GTF2E2: variants seen among roughly 807,000 people sequenced by gnomAD.
GTF2E2 encodes general transcription factor IIE subunit 2.
In GTF2E2, 21 loss-of-function variants were observed where a neutral mutation model predicts 40.5. The observed-to-expected ratio is 0.52, with a 90% CI of 0.37 to 0.75. The LOEUF (loss-of-function observed/expected upper bound fraction) is 0.75. Among genes scored for constraint, GTF2E2 ranks in the 30% least tolerant of loss-of-function variants. GTF2E2 has a pLI of 0.00. For synonymous variants in GTF2E2, 117 were observed against 121.6 expected, an observed-to-expected ratio of 0.96 and a Z score of 0.25; for missense variants, 298 against 338.4, an observed-to-expected ratio of 0.88 and a Z score of 0.94.
At chr8:30,630,126 C>T (rs188997958) in intron 3 of GTF2E2, among the ~76,000 whole-genome samples, 3 of 152,236 alleles carry the variant, frequency 2.0e-5, no homozygotes, top group Admixed American at 6.5e-5. Flanking sequence ...CCATAAAGTT[C>T]CTCTTTCATC....
intron 3 of GTF2E2, among the ~76,000 whole-genome samples, chr8:30,633,306 T>C (rs1391125040): frequency 6.6e-6 from 1 of 152,100 alleles, no homozygotes; most frequent in Non-Finnish European, 1.5e-5. Context: ...GACACAAATA[T>C]TCAAAGAAAA....
At chr8:30,655,028 T>G (rs1381693411) in intron 1 of GTF2E2, among the ~76,000 whole-genome samples, 1 of 152,010 alleles carries the variant, frequency 6.6e-6, no homozygotes, top group Non-Finnish European at 1.5e-5. Flanking sequence ...CTGGGCAACA[T>G]AGTGAAACCC....
At chr8:30,639,506 C>T (rs989014965) in intron 2 of GTF2E2, among the ~76,000 whole-genome samples, 3 of 151,758 alleles carry the variant, frequency 2.0e-5, no homozygotes, top group African/African-American at 7.3e-5. Flanking sequence ...AAAAATATGT[C>T]CTAAGAAGAA....
At chr8:30,620,130 C>T (rs1470803246) in intron 3 of GTF2E2, among the ~76,000 whole-genome samples, 6 of 151,936 alleles carry the variant, frequency 3.9e-5, no homozygotes, top group African/African-American at 1.5e-4. Context: ...GCAAGTCTGC[C>T]TTTTGAACCT....
intron 1 of GTF2E2, among the ~76,000 whole-genome samples, chr8:30,656,136 C>G (rs537241945): frequency 1.3e-5 from 2 of 152,230 alleles, no homozygotes; most frequent in East Asian, 3.9e-4. Flanking sequence ...CCTAAAGCCA[C>G]CTGGCTAGGC....
intron 6 of GTF2E2, among the ~76,000 whole-genome samples, chr8:30,599,013 T>TA (rs892908343): frequency 1.3e-5 from 2 of 152,120 alleles, no homozygotes; most frequent in African/African-American, 4.8e-5. Context: ...ATTAATAAAA[T>TA]AAAAAACAAG....
intron 3 of GTF2E2, among the ~76,000 whole-genome samples, chr8:30,629,685 T>C (rs1212588815): frequency 1.6e-5 from 1 of 63,952 alleles, no homozygotes; most frequent in Non-Finnish European, 2.6e-5. Flanking sequence ...CAAGATTCCA[T>C]CTCAAAAAAA....
intron 2 of GTF2E2, among the ~76,000 whole-genome samples, chr8:30,638,424 G>A (rs182254574): frequency 6.6e-6 from 1 of 152,194 alleles, no homozygotes; most frequent in Admixed American, 6.5e-5. Flanking sequence ...AAAAATAAAG[G>A]AGAAGGGATG....
rs542751789 is a variant in GTF2E2 at position 30,618,305 on chromosome 8, G to A, written c.259-3590C>T. ...GTCTCGGGGGGCGGGGGGGAGTTAC[G>A]CTTTACTAATAGTGAATATGTGGAC... On this transcript the variant is annotated intron_variant, in intron 3 of 7. Transcript: ENST00000355904. Among the ~76,000 whole-genome samples, 241 of 150,998 alleles carry A rather than the reference G, an allele frequency of 1.6e-3. 1 individual carries two copies. Among genetic ancestry groups the A allele is most frequent in the African/African-American group, 5.6e-3 (228 of 41,076 alleles).
intron 6 of GTF2E2, chr8:30,596,818 A>C (rs1435353310): frequency 6.6e-6 from 1 of 152,234 alleles, no homozygotes; most frequent in Non-Finnish European, 1.5e-5. Context: ...GGTTGAGTCA[A>C]TCTATTGTCA....
intron 2 of GTF2E2, among the ~76,000 whole-genome samples, chr8:30,651,667 T>C (rs1802282005): frequency 6.6e-6 from 1 of 152,246 alleles, no homozygotes; most frequent in Non-Finnish European, 1.5e-5. Context: ...TTCCCCAAAT[T>C]GATTTATAGA....
intron 2 of GTF2E2, chr8:30,645,779 T>C (rs1394553308): frequency 5.1e-6 from 3 of 585,058 alleles, no homozygotes; most frequent in South Asian, 2.5e-5. Flanking sequence ...TTTCATTAAA[T>C]ATACAGTAAA....
intron 5 of GTF2E2, among the ~76,000 whole-genome samples, chr8:30,611,892 T>C (rs913519675): frequency 6.6e-6 from 1 of 152,218 alleles, no homozygotes; most frequent in Non-Finnish European, 1.5e-5. Context: ...ATAGCCCCTT[T>C]AGGACTTCAA....
At chr8:30,648,557 G>A (rs1802173663) in intron 2 of GTF2E2, among the ~76,000 whole-genome samples, 1 of 152,196 alleles carries the variant, frequency 6.6e-6, no homozygotes, top group African/African-American at 2.4e-5. Context: ...CTATGGCTGG[G>A]AACATAACTT....
At chr8:30,596,101 T>C (rs1265162043) in intron 6 of GTF2E2, among the ~76,000 whole-genome samples, 1 of 152,238 alleles carries the variant, frequency 6.6e-6, no homozygotes, top group Non-Finnish European at 1.5e-5. Context: ...TTGAATATGA[T>C]ATGCCTCGGT....
intron 3 of GTF2E2, among the ~76,000 whole-genome samples, chr8:30,629,721 TATACTCCCAG>T: frequency 6.8e-6 from 1 of 146,894 alleles, no homozygotes; most frequent in African/African-American, 2.5e-5. Flanking sequence ...ACTGTTGAGC[TATACTCCCAG>T]AGTTTCAAAT....
intron 3 of GTF2E2, among the ~76,000 whole-genome samples, chr8:30,622,798 A>G (rs1327454629): frequency 6.6e-6 from 1 of 152,082 alleles, no homozygotes; most frequent in African/African-American, 2.4e-5. Context: ...TGCTTTTGAA[A>G]GAAAAGAAAT....
intron 3 of GTF2E2, among the ~76,000 whole-genome samples, chr8:30,628,667 C>A (rs1051478178): frequency 1.3e-5 from 2 of 152,188 alleles, no homozygotes; most frequent in Non-Finnish European, 2.9e-5. Flanking sequence ...CATGTTGGCT[C>A]ACGCCTGTAA....
At chr8:30,615,491 C>T (rs769553495) in intron 3 of GTF2E2, among the ~76,000 whole-genome samples, 8 of 152,118 alleles carry the variant, frequency 5.3e-5, no homozygotes, top group Admixed American at 3.9e-4. Context: ...ATAACCCAAG[C>T]GTCCATATTA....
Sources: allele counts gnomAD v4.1 joint callset (sites outside exome capture counted in the v4.1 genomes callset), GRCh38; gene constraint gnomAD v4.1.1; transcripts MANE v1.5; gene names NCBI Gene and HGNC (gene_info 2026-07-23, HGNC 2026-07-21).